DPYSL4: variants seen among roughly 807,000 people sequenced by gnomAD.
DPYSL4 encodes dihydropyrimidinase-related protein 4.
In DPYSL4, 43 loss-of-function variants were observed where a neutral mutation model predicts 63.4. The ratio of observed to expected loss-of-function variants is 0.68; its 90% CI spans 0.53 to 0.88. The LOEUF is 0.88. Among genes scored for constraint, DPYSL4 ranks in the 40% least tolerant of loss-of-function variants. The pLI, the probability that DPYSL4 is intolerant of heterozygous loss-of-function variation, is 0.00. For synonymous variants in DPYSL4, 353 were observed against 331.7 expected, an observed-to-expected ratio of 1.06 and a Z score of -0.70; for missense variants, 733 against 819.5, an observed-to-expected ratio of 0.89 and a Z score of 1.29.
At chr10:132,198,357 A>AT in intron 6 of DPYSL4, 58 bp from the exon 7 acceptor site, 1 of 1,535,624 alleles carries the variant, frequency 6.5e-7, no homozygotes, top group Non-Finnish European at 8.8e-7. Context: ...TGGGCTTAGC[A>AT]TCCAAGGCCC....
Position 132,200,278 on chromosome 10 carries a change from T to C in DPYSL4, c.812-78T>C, listed in dbSNP as rs1590102772. The stretch of plus-strand genomic sequence containing the variant: ...AAGGAAAGTGAGGGGCAGTCGTGGG[T>C]GTCAGCAGCAGCAGTTCTCGGGGCC... On this transcript the variant is annotated intron_variant, in intron 8 of 13. Coordinates refer to ENST00000338492, the MANE Select transcript of DPYSL4 (RefSeq NM_006426.3). 7 of 1,548,586 alleles carry C rather than the reference T, an allele frequency of 4.5e-6. 1 individual carries two copies. The highest frequency in any genetic ancestry group is 3.5e-4 in the Middle Eastern group (2 of 5,740).
At chr10:132,201,796 G>A (rs540325803) in intron 10 of DPYSL4, 150 bp from the exon 11 acceptor site, 1 of 832,578 alleles carries the variant, frequency 1.2e-6, no homozygotes, top group African/African-American at 1.7e-5. Context: ...CCAACCTTGT[G>A]GGGGGCCTGG....
At chr10:132,189,167 A>G (rs2137497562) in intron 1 of DPYSL4, among the ~76,000 whole-genome samples, 1 of 152,394 alleles carries the variant, frequency 6.6e-6, no homozygotes, top group East Asian at 1.9e-4. Flanking sequence ...AACCCAGAGC[A>G]GGCGGCCGGA....
chr10:132,192,466 C>T, intron 2 of DPYSL4, 192 bp from the exon 3 acceptor site: 9 of 1,329,574 alleles, frequency 6.8e-6, no homozygotes, highest in Non-Finnish European at 8.6e-6. Context: ...CAGTGACCGT[C>T]CTGAGCTGCG....
At position 132,202,818 on chromosome 10, in the gene DPYSL4, G is replaced by A. The variant is rs371966633; in HGVS notation, c.1454G>A (p.Arg485His). Reference sequence around the variant, plus strand: ...TTTGTCTACAAGAGGATCAAAGCTCGCAACAGGGTAGGGCGGCACCCGCAA... The same window carrying A: ...TTTGTCTACAAGAGGATCAAAGCTCACAACAGGGTAGGGCGGCACCCGCAA... ...PDFVYKRIKARNRLAEIHGVP... is the reference protein window; with the variant it reads ...PDFVYKRIKAHNRLAEIHGVP... Residue 485 changes from arginine to histidine, a missense_variant, in exon 12 of 14, where the codon CGC becomes CAC. Arg to His is a conservative substitution (Grantham distance 29). Transcript: ENST00000338492. 9 of 1,596,994 alleles carry A rather than the reference G, an allele frequency of 5.6e-6. No homozygotes were observed. Among genetic ancestry groups the A allele is most frequent in the South Asian group, 1.1e-5 (1 of 87,872 alleles).
intron 6 of DPYSL4, 52 bp downstream of exon 6, chr10:132,197,153 A>C (rs2061957067): frequency 7.0e-7 from 1 of 1,428,784 alleles, no homozygotes; most frequent in Non-Finnish European, 9.3e-7. Context: ...GCCGTGGGGC[A>C]GGGGCTGCCT....
Position 132,200,493 on chromosome 10 carries a change from C to T in DPYSL4, c.949C>T (p.Leu317Phe), listed in dbSNP as rs200567895. 7 of 1,613,130 alleles carry T rather than the reference C, an allele frequency of 4.3e-6. No homozygotes were observed. Among genetic ancestry groups the T allele is most frequent in the Admixed American group, 1.7e-5 (1 of 60,006 alleles). The stretch of plus-strand genomic sequence containing the variant: ...CCCAGACCCCACCACGGCGGACCAC[C>T]TCACCTGCTTGCTGTCCAGGTAAGC... Reference protein sequence around the residue: ...VNPDPTTADHLTCLLSSGDLQ... With the variant: ...VNPDPTTADHFTCLLSSGDLQ... The change falls in exon 9 of 14, where the codon CTC becomes TTC. Residue 317 changes from leucine (L) to phenylalanine (F), a missense_variant. Leu to Phe is a conservative substitution (Grantham distance 22). Transcript: ENST00000338492.
In DPYSL4 at chr10:132,198,914, G is replaced by A. The variant is rs367953043; in HGVS notation, c.754G>A (p.Val252Ile). ...CAAGCAGGCAAACTGCCCGCTGTAC[G>A]TCACCAAGGTGATGAGCAAGGGGGC... ...IAKQANCPLYVTKVMSKGAAD... is the reference protein window; with the variant it reads ...IAKQANCPLYITKVMSKGAAD... The change falls in exon 8 of 14, where the codon GTC (valine) becomes ATC (isoleucine). Residue 252 changes from valine (V) to isoleucine (I), a missense_variant. Val to Ile is a conservative substitution (Grantham distance 29). Coordinates refer to ENST00000338492, the MANE Select transcript of DPYSL4 (RefSeq NM_006426.3). 103 of 1,612,830 alleles carry A rather than the reference G, an allele frequency of 6.4e-5. No individual in the cohort carries two copies. Among genetic ancestry groups the A allele is most frequent in the Admixed American group, 1.0e-4 (6 of 60,002 alleles).
chr10:132,197,464 G>A (rs1258289749), intron 6 of DPYSL4, among the ~76,000 whole-genome samples: 1 of 152,242 alleles, frequency 6.6e-6, no homozygotes, highest in East Asian at 1.9e-4. Context: ...GGGCACCCAT[G>A]TTGACAGGGC....
At chr10:132,191,170 G>C (rs1181191111) in intron 2 of DPYSL4, among the ~76,000 whole-genome samples, 2 of 93,908 alleles carry the variant, frequency 2.1e-5, no homozygotes, top group Non-Finnish European at 4.7e-5. Flanking sequence ...TGGTCACGTG[G>C]TATCCAGGCA....
chr10:132,194,977 A>T lies in DPYSL4; in HGVS notation c.446A>T (p.Lys149Met). 6.2e-7 allele frequency: 1 copy of T among 1,607,556 alleles called. No homozygotes were observed. Among genetic ancestry groups the T allele is most frequent in the Admixed American group, 1.7e-5 (1 of 59,960 alleles). The part of the protein sequence containing the change: ...VDITRWHESI[K>M]EELEALVKEK... ...ATCACCCGATGGCATGAGAGCATCA[A>T]GGAGGAGCTGGAGGCCCTGGTCAAG... The change falls in exon 4 of 14, where the codon AAG (lysine) becomes ATG (methionine). Residue 149 changes from lysine to methionine, a missense_variant. Physicochemically the swap from Lys to Met is moderately conservative, Grantham distance 95 (BLOSUM62 -1). Transcript: ENST00000338492.
rs1324927370 is a variant in DPYSL4 at position 132,205,109 on chromosome 10, G to GC, written c.*183dup. The GC allele has an allele frequency of 9.5e-5, 45 of 471,518 alleles. No individual in the cohort carries two copies. Among genetic ancestry groups the GC allele is most frequent in the Admixed American group, 1.5e-4 (4 of 26,410 alleles). 29.2% of individuals were successfully genotyped at this position (471,518 alleles called of 1,614,324 possible). A position where few individuals can be genotyped will look rare whatever the true frequency, so the allele number is the denominator to read the frequency against. On this transcript the variant is annotated 3_prime_UTR_variant, in exon 14 of 14. Transcript: ENST00000338492. Reference sequence around the variant, plus strand: ...GGGGTCCCAGGTCCTGCTGCCAAGAGCCCCTCAAGAGAAGGGCTGAACCTG... The same window carrying GC: ...GGGGTCCCAGGTCCTGCTGCCAAGAGCCCCCTCAAGAGAAGGGCTGAACCTG...
chr10:132,186,948 G>C lies in DPYSL4; in HGVS notation c.-116G>C. On this transcript the variant is annotated 5_prime_UTR_variant, in exon 1 of 14. Coordinates refer to ENST00000338492, the MANE Select transcript of DPYSL4 (RefSeq NM_006426.3). ...CGGAGCCGTGCGGCCCCGCGCGCTC[G>C]CAGTCTGTCTCCCGCCGTCCCCACG... 1 of 435,438 alleles carries C rather than the reference G, an allele frequency of 2.3e-6. No individual in the cohort carries two copies. Among genetic ancestry groups the C allele is most frequent in the Non-Finnish European group, 3.9e-6 (1 of 258,958 alleles). The allele number at this position is 435,438 out of a possible 1,614,324, so 27.0% of individuals were successfully genotyped here. A position where few individuals can be genotyped will look rare whatever the true frequency, so the allele number is the denominator to read the frequency against.
chr10:132,189,034 CT>C (rs1428675174), intron 1 of DPYSL4, among the ~76,000 whole-genome samples: 5 of 152,188 alleles, frequency 3.3e-5, no homozygotes, highest in Non-Finnish European at 7.3e-5. Context: ...TAATGAACTC[CT>C]TCTCATTCTG....
intron 2 of DPYSL4, 158 bp from the exon 3 acceptor site, chr10:132,192,500 C>T: frequency 2.2e-6 from 3 of 1,388,730 alleles, no homozygotes; most frequent in Non-Finnish European, 2.8e-6. Context: ...TGCTCCCTGG[C>T]ACTCCCGAGG....
Position 132,201,992 on chromosome 10 carries a change from CAAAT to C in DPYSL4, c.1158_1161del (p.Asn387LeufsTer40). 1 of 1,613,354 alleles carries C rather than the reference CAAAT, an allele frequency of 6.2e-7. No homozygotes were observed. The highest frequency in any genetic ancestry group is 8.5e-7 in the Non-Finnish European group (1 of 1,179,974). On this transcript the variant is annotated frameshift_variant, in exon 11 of 14. Transcript: ENST00000338492. LOFTEE classifies it high-confidence loss of function. The stretch of plus-strand genomic sequence containing the variant: ...AATGAGTTCGTCGCGGTGACCAGTA[CAAAT>C]GCTGCCAAAATCTTCAATTTTTACC...
intron 13 of DPYSL4, among the ~76,000 whole-genome samples, chr10:132,204,366 G>C (rs2062065193): frequency 6.6e-6 from 1 of 152,204 alleles, no homozygotes; most frequent in South Asian, 2.1e-4. Flanking sequence ...GAGAATGCCT[G>C]GGAGGGCTCA....
intron 8 of DPYSL4, among the ~76,000 whole-genome samples, chr10:132,199,449 T>G (rs924543269): frequency 6.6e-6 from 1 of 151,512 alleles, no homozygotes; most frequent in African/African-American, 2.4e-5. Flanking sequence ...GCGGCTTGAC[T>G]GTGGTGTCCC....
In DPYSL4 at chr10:132,202,156, G is replaced by C. The variant is rs776921661; in HGVS notation, c.1281+40G>C. 28 of 1,591,916 alleles carry C rather than the reference G, an allele frequency of 1.8e-5. No homozygotes were observed. In the South Asian group the frequency reaches 2.6e-4, roughly 15 times the overall value. ...CTGTAAGTCAGGGTTGGCCTTTGTG[G>C]GGCCGGGACCCCAGGGCAGCCTTCC... On this transcript the variant is annotated intron_variant, in intron 11 of 13. Transcript: ENST00000338492.
Sources: gnomAD v4.1 joint callset for allele counts (sites outside exome capture counted in the v4.1 genomes callset) on GRCh38, gnomAD v4.1.1 for gene constraint, MANE v1.5 for transcripts, NCBI Gene and HGNC (gene_info 2026-07-23, HGNC 2026-07-21) for gene names.